CKMT2: variants seen among roughly 807,000 people sequenced by gnomAD.
CKMT2 encodes the protein creatine kinase, mitochondrial 2.
A neutral mutation model predicts 48.9 loss-of-function variants in CKMT2; 43 were observed. The observed-to-expected ratio is 0.88, with a 90% CI of 0.69 to 1.13. The LOEUF (loss-of-function observed/expected upper bound fraction) is 1.13. Among genes scored for constraint, CKMT2 ranks in the 50% most tolerant of loss-of-function variants. The probability of loss-of-function intolerance (pLI) is 0.00; values close to 1 mark genes in which losing one functional copy is unlikely to be tolerated. For missense variants in CKMT2, 472 were observed against 555.4 expected, an observed-to-expected ratio of 0.85 and a Z score of 1.51; for synonymous variants, 206 against 213.0, an observed-to-expected ratio of 0.97 and a Z score of 0.29.
rs1458121880 is a variant in CKMT2, at chr5:81,252,822, G to A, written c.280G>A (p.Gly94Arg). 6.2e-7 allele frequency: 1 copy of A among 1,614,236 alleles called. No individual in the cohort carries two copies. Among genetic ancestry groups the A allele is most frequent in the South Asian group, 1.1e-5 (1 of 91,084 alleles). ...CACGCTGGACCAGTGCATCCAGACTGGAGTGGACAACCCTGGCCACCCCTT... is the reference window on the plus strand; with the variant it reads ...CACGCTGGACCAGTGCATCCAGACTAGAGTGGACAACCCTGGCCACCCCTT... The part of the protein sequence containing the change: ...GYTLDQCIQT[G>R]VDNPGHPFIK... Residue 94 changes from glycine (G) to arginine (R), a missense_variant, in exon 3 of 10, where the codon GGA (glycine) becomes AGA (arginine). By Grantham distance (125) the Gly-to-Arg change is moderately radical. Coordinates refer to ENST00000254035, the MANE Select transcript of CKMT2 (RefSeq NM_001099735.2).
intron 1 of CKMT2, chr5:81,242,442 C>CT: frequency 1.9e-6 from 1 of 513,858 alleles, no homozygotes; most frequent in Non-Finnish European, 3.8e-6. Context: ...TTTCCCCTCT[C>CT]TGTCAATTTT....
At chr5:81,242,486 G>T in intron 1 of CKMT2, 1 of 496,274 alleles carries the variant, frequency 2.0e-6, no homozygotes, top group Admixed American at 2.2e-5. Context: ...CTAGTTTCTT[G>T]TCATCAACCT....
rs117335085 is a variant in CKMT2, at chr5:81,236,751, T to G, written c.-21+3374T>G. Among the ~76,000 whole-genome samples, 55 of 152,310 alleles carry G rather than the reference T, an allele frequency of 3.6e-4. No homozygotes were observed. The East Asian group carries it at 0.01, about 29-fold the overall frequency. ...AGAAGAACTGGGGAGCCCAATTGGT[T>G]AAATCCATTTTGTGAACCCCGATGT... On this transcript the variant is annotated intron_variant, in intron 1 of 9. Transcript: ENST00000254035.
At chr5:81,252,638 C>T in intron 2 of CKMT2, 57 bp from the exon 3 acceptor site, 2 of 1,568,042 alleles carry the variant, frequency 1.3e-6, no homozygotes, top group Admixed American at 1.7e-5. Flanking sequence ...CAAGTCCTTC[C>T]ATTGGCCCCT....
intron 8 of CKMT2, among the ~76,000 whole-genome samples, chr5:81,260,694 A>G (rs918653386): frequency 5.3e-5 from 8 of 152,334 alleles, no homozygotes; most frequent in African/African-American, 1.9e-4. Flanking sequence ...ATAGACCAAA[A>G]ACAAGTTCTG....
intron 8 of CKMT2, among the ~76,000 whole-genome samples, chr5:81,262,813 C>G (rs1311359045): frequency 6.6e-6 from 1 of 152,202 alleles, no homozygotes; most frequent in Non-Finnish European, 1.5e-5. Context: ...TTTGACCCAG[C>G]CATCCCATTA....
chr5:81,255,885 GCCTCATTT>G (rs2112812036), intron 5 of CKMT2, among the ~76,000 whole-genome samples: 1 of 150,636 alleles, frequency 6.6e-6, no homozygotes, highest in Non-Finnish European at 1.5e-5. Flanking sequence ...TAAGAAATAT[GCCTCATTT>G]CCAAACCAGA....
intron 5 of CKMT2, among the ~76,000 whole-genome samples, chr5:81,256,003 G>T (rs1324086654): frequency 6.6e-6 from 1 of 152,156 alleles, no homozygotes; most frequent in East Asian, 1.9e-4. Context: ...CTCCTGGGCA[G>T]TGGCAGGTCA....
intron 1 of CKMT2, 67 bp downstream of exon 1, chr5:81,233,444 G>A (rs1756165691): frequency 1.0e-6 from 1 of 965,858 alleles, no homozygotes; most frequent in Non-Finnish European, 1.2e-6. Flanking sequence ...CCAGTGTGAA[G>A]GGCCTTGGAG....
At chr5:81,239,589 G>T (rs1756366463) in intron 1 of CKMT2, among the ~76,000 whole-genome samples, 1 of 152,000 alleles carries the variant, frequency 6.6e-6, no homozygotes, top group Non-Finnish European at 1.5e-5. Context: ...TCCTTTGCAG[G>T]GTGTGACCTG....
In CKMT2 at chr5:81,257,861, G is replaced by C; in HGVS notation, c.879+5G>C. On this transcript the variant is annotated splice_donor_5th_base_variant and intron_variant, in intron 7 of 9. Coordinates refer to ENST00000254035, the MANE Select transcript of CKMT2 (RefSeq NM_001099735.2). ...TTCTGTCGTGGACTAAAAGAAGTAA[G>C]ATGTTATCTGAGATTTCTGGATATT... The C allele has an allele frequency of 6.2e-7, 1 of 1,607,454 alleles. No homozygotes were observed. The highest frequency in any genetic ancestry group is 1.1e-5 in the South Asian group (1 of 90,262).
intron 1 of CKMT2, chr5:81,244,159 A>C: frequency 1.0e-6 from 1 of 985,432 alleles, no homozygotes; most frequent in Non-Finnish European, 1.2e-6. Context: ...TCCACAGCAT[A>C]GGCCAGCAGG....
intron 6 of CKMT2, 130 bp from the exon 7 acceptor site, chr5:81,257,603 T>G: frequency 1.4e-6 from 1 of 697,458 alleles, no homozygotes; most frequent in Non-Finnish European, 2.3e-6. Context: ...TCAGGCACAG[T>G]TAAGAGATTA....
At chr5:81,250,650 T>C (rs973782666) in intron 1 of CKMT2, 3 of 152,374 alleles carry the variant, frequency 2.0e-5, no homozygotes, top group Admixed American at 2.0e-4. Context: ...TTCCCAATGC[T>C]GGCATCCCAA....
chr5:81,259,374 A>ACCCTT, intron 8 of CKMT2, 120 bp downstream of exon 8: 1 of 895,702 alleles, frequency 1.1e-6, no homozygotes, highest in Admixed American at 3.7e-5. Flanking sequence ...CTACAATATA[A>ACCCTT]AAATAAGAAA....
intron 8 of CKMT2, among the ~76,000 whole-genome samples, chr5:81,263,289 G>C (rs1049337967): frequency 6.6e-6 from 1 of 150,998 alleles, no homozygotes; most frequent in African/African-American, 2.4e-5. Flanking sequence ...AAACCTGCAC[G>C]TTCTGCACAT....
rs1756874396 is a variant in CKMT2, at chr5:81,252,953, C to G, written c.351+60C>G. The stretch of plus-strand genomic sequence containing the variant: ...GGATGCTCTGGATATGACTGACTTG[C>G]ACAGTCCTGGGGTCCTTTTCTTCTC... On this transcript the variant is annotated intron_variant, in intron 3 of 9. Transcript: ENST00000254035. The G allele has an allele frequency of 8.9e-6, 14 of 1,565,148 alleles. No homozygotes were observed. The South Asian group carries it at 1.6e-4, about 17-fold the overall frequency.
intron 1 of CKMT2, among the ~76,000 whole-genome samples, chr5:81,242,148 C>G (rs896135450): frequency 6.6e-6 from 1 of 152,134 alleles, no homozygotes; most frequent in African/African-American, 2.4e-5. Flanking sequence ...CTGGGCCACC[C>G]TAATTTGCAG....
Position 81,263,589 on chromosome 5 carries a change from C to G in CKMT2, c.1113C>G (p.Ser371=). The G allele has an allele frequency of 9.9e-6, 16 of 1,612,148 alleles. No homozygotes were observed. Among genetic ancestry groups the G allele is most frequent in the Non-Finnish European group, 1.4e-5 (16 of 1,178,868 alleles). ...CGGTCGCAGATGTGTACGACATTTC[C>G]AACATAGATAGAATTGGTCGATCAG... ...TAAVADVYDI[S]NIDRIGRSEV... Residue 371 remains serine (S), a synonymous_variant, in exon 9 of 10, where the codon TCC becomes TCG. Coordinates refer to ENST00000254035, the MANE Select transcript of CKMT2 (RefSeq NM_001099735.2).
Sources: gnomAD v4.1 joint callset for allele counts (sites outside exome capture counted in the v4.1 genomes callset) on GRCh38, gnomAD v4.1.1 for gene constraint, MANE v1.5 for transcripts, NCBI Gene and HGNC (gene_info 2026-07-23, HGNC 2026-07-21) for gene names.